Variants in ITSN1 observed in about 807,000 individuals in gnomAD.
ITSN1 encodes the protein intersectin 1.
In ITSN1, 58 loss-of-function variants were observed where a neutral mutation model predicts 239.8. The ratio of observed to expected loss-of-function variants is 0.24; its 90% CI spans 0.20 to 0.30. The LOEUF is 0.30. Among genes scored for constraint, ITSN1 ranks in the 10% least tolerant of loss-of-function variants. The probability of loss-of-function intolerance (pLI) is 1.00; values close to 1 mark genes in which losing one functional copy is unlikely to be tolerated. For missense variants in ITSN1, 1,558 were observed against 2,103.3 expected (o/e 0.74, Z 5.07); for synonymous variants, 780 against 770.8 (o/e 1.01, Z -0.20).
At chr21:33,740,649 C>T (rs2066788404) in intron 5 of ITSN1, among the ~76,000 whole-genome samples, 1 of 152,106 alleles carries the variant, frequency 6.6e-6, no homozygotes, top group African/African-American at 2.4e-5. Flanking sequence ...TTAAGACTTA[C>T]ACAGGAAGAG....
At chr21:33,753,092 A>G (rs531865260) in intron 7 of ITSN1, among the ~76,000 whole-genome samples, 1 of 152,346 alleles carries the variant, frequency 6.6e-6, no homozygotes, top group South Asian at 2.1e-4. Context: ...CAGAGACATT[A>G]TGTTACTCGT....
At chr21:33,845,700 G>A (rs897140290) in intron 29 of ITSN1, among the ~76,000 whole-genome samples, 14 of 152,166 alleles carry the variant, frequency 9.2e-5, no homozygotes, top group East Asian at 3.9e-4. Flanking sequence ...GACTGGTTAC[G>A]GAGCTGCTCT....
intron 33 of ITSN1, among the ~76,000 whole-genome samples, chr21:33,873,292 T>C (rs1210852396): frequency 6.6e-6 from 1 of 152,232 alleles, no homozygotes. Flanking sequence ...CCATTTACAT[T>C]GTTTGTATGT....
chr21:33,764,472 C>G (rs2068582773), intron 9 of ITSN1, among the ~76,000 whole-genome samples: 1 of 152,086 alleles, frequency 6.6e-6, no homozygotes, highest in Admixed American at 6.6e-5. Flanking sequence ...ATATGGGTAT[C>G]TTGCAAAACT....
intron 21 of ITSN1, 143 bp from the exon 22 acceptor site, chr21:33,813,770 A>ATTT (rs1040637058): frequency 1.8e-6 from 1 of 553,672 alleles, no homozygotes; most frequent in Non-Finnish European, 2.9e-6. Context: ...TTATTTATTT[A>ATTT]TTTTTTTGGT....
intron 1 of ITSN1, among the ~76,000 whole-genome samples, chr21:33,707,807 C>T (rs1448290216): frequency 6.6e-6 from 1 of 152,108 alleles, no homozygotes; most frequent in Non-Finnish European, 1.5e-5. Context: ...AGTTGATTGA[C>T]ATTTGGGTTT....
chr21:33,704,492 T>G (rs2092158892), intron 1 of ITSN1, among the ~76,000 whole-genome samples: 1 of 152,206 alleles, frequency 6.6e-6, no homozygotes, highest in Non-Finnish European at 1.5e-5. Context: ...CCAGACTCTC[T>G]CTTCCATTGT....
intron 1 of ITSN1, among the ~76,000 whole-genome samples, chr21:33,690,301 C>T (rs2091449395): frequency 6.8e-6 from 1 of 146,600 alleles, no homozygotes; most frequent in Non-Finnish European, 1.5e-5. Context: ...AATAAATGAA[C>T]AAAAATAAGC....
intron 34 of ITSN1, among the ~76,000 whole-genome samples, chr21:33,877,002 T>C (rs1026177319): frequency 6.6e-6 from 1 of 152,046 alleles, no homozygotes; most frequent in East Asian, 1.9e-4. Flanking sequence ...CCTTGTTTCT[T>C]GTATTACGAT....
At chr21:33,830,907 G>T (rs1482728341) in intron 27 of ITSN1, among the ~76,000 whole-genome samples, 2 of 142,164 alleles carry the variant, frequency 1.4e-5, no homozygotes, top group Non-Finnish European at 3.1e-5. Context: ...GGTGGGGGGG[G>T]AGGGAGGGAG....
rs554427701 is a variant in ITSN1 at position 33,827,711 on chromosome 21, G to A, written c.3229+848G>A. ...TTAGTTTATTTCAGTAAAATCACAT[G>A]TGCTATAAATAGCACGAAAAAGAAA... On this transcript the variant is annotated intron_variant, in intron 26 of 39. Transcript: ENST00000381318. 1.6e-4 allele frequency among the ~76,000 whole-genome samples: 25 copies of A among 151,536 alleles called. No homozygotes were observed. The South Asian group carries it at 5.0e-3, about 30-fold the overall frequency.
At chr21:33,679,643 A>G (rs2090810655) in intron 1 of ITSN1, among the ~76,000 whole-genome samples, 1 of 151,798 alleles carries the variant, frequency 6.6e-6, no homozygotes, top group African/African-American at 2.4e-5. Context: ...TTTGCCTTGA[A>G]AGGCTTATTA....
At chr21:33,733,720 A>T (rs1393743898) in intron 4 of ITSN1, among the ~76,000 whole-genome samples, 1 of 152,210 alleles carries the variant, frequency 6.6e-6, no homozygotes, top group Admixed American at 6.5e-5. Context: ...AATGATGCTC[A>T]GGTTCACAAG....
chr21:33,725,857 G>A (rs973627509), intron 4 of ITSN1, among the ~76,000 whole-genome samples: 6 of 152,078 alleles, frequency 3.9e-5, no homozygotes, highest in Admixed American at 2.0e-4. Context: ...CTGATATCCT[G>A]CCCAGATGAT....
At chr21:33,748,849 A>G (rs1049085883) in intron 5 of ITSN1, among the ~76,000 whole-genome samples, 16 of 152,134 alleles carry the variant, frequency 1.1e-4, no homozygotes, top group Non-Finnish European at 2.1e-4. Flanking sequence ...TGGGCAACAG[A>G]GTGAGATCTT....
At chr21:33,694,443 A>G (rs1376859650) in intron 1 of ITSN1, among the ~76,000 whole-genome samples, 2 of 152,182 alleles carry the variant, frequency 1.3e-5, no homozygotes, top group East Asian at 3.8e-4. Flanking sequence ...ATATCTTTGT[A>G]TTTTGGATTA....
At position 33,782,128 on chromosome 21, in the gene ITSN1, C is replaced by T; in HGVS notation, c.1819C>T (p.Leu607=). The T allele has an allele frequency of 3.1e-6, 5 of 1,613,488 alleles. No homozygotes were observed. The highest frequency in any genetic ancestry group is 4.2e-6 in the Non-Finnish European group (5 of 1,179,706). ...LQEIDIFNNQ[L]KELREIHNKQ... is the part of the protein sequence containing the mutation. ...GGAGATTGATATTTTCAATAATCAGCTGAAGGTAACTCTTCTATGTGTGCC... is the reference window on the plus strand; with the variant it reads ...GGAGATTGATATTTTCAATAATCAGTTGAAGGTAACTCTTCTATGTGTGCC... The change falls in exon 16 of 40, where the codon CTG becomes TTG. Residue 607 remains leucine (L), a synonymous_variant. Coordinates refer to ENST00000381318, the MANE Select transcript of ITSN1 (RefSeq NM_003024.3).
chr21:33,683,262 G>A (rs2091067728), intron 1 of ITSN1, among the ~76,000 whole-genome samples: 1 of 151,930 alleles, frequency 6.6e-6, no homozygotes, highest in Non-Finnish European at 1.5e-5. Context: ...TCATTTCAAT[G>A]ATCTAAAAGT....
At chr21:33,869,983 C>T (rs1376647850) in intron 33 of ITSN1, among the ~76,000 whole-genome samples, 1 of 152,066 alleles carries the variant, frequency 6.6e-6, no homozygotes, top group Non-Finnish European at 1.5e-5. Context: ...GAATTTTTTC[C>T]AGCCTTTCCC....
Sources: allele counts gnomAD v4.1 joint callset (sites outside exome capture counted in the v4.1 genomes callset), GRCh38; gene constraint gnomAD v4.1.1; transcripts MANE v1.5; gene names NCBI Gene and HGNC (gene_info 2026-07-23, HGNC 2026-07-21).